The following CIMAP2 variants were observed in gnomAD, a reference collection of about 807,000 sequenced individuals.
The protein encoded by CIMAP2 is ciliary microtubule associated protein 2.
chr1:54,841,974 A>G, the CIMAP2 span: 1 of 1,226,800 alleles, frequency 8.2e-7, no homozygotes, highest in Non-Finnish European at 1.2e-6. Context: ...TGTCTTAGAG[A>G]AAGGACACAT....
the CIMAP2 span, chr1:54,842,132 T>G: frequency 4.1e-5 from 23 of 554,616 alleles, no homozygotes; most frequent in Non-Finnish European, 7.4e-5. Context: ...GCCAGTGACA[T>G]GAACATGGGG....
chr1:54,839,412 C>G, the CIMAP2 span, among the ~76,000 whole-genome samples: 113,447 of 151,726 alleles, frequency 0.75, 43,681 homozygotes, highest in Middle Eastern at 0.85. Flanking sequence ...TTATTTTGCT[C>G]TGTTGCTCAG....
At chr1:54,829,711 T>C in the CIMAP2 span, among the ~76,000 whole-genome samples, 1 of 152,152 alleles carries the variant, frequency 6.6e-6, no homozygotes, top group Non-Finnish European at 1.5e-5. Flanking sequence ...TAAGAGTTAT[T>C]TTTTGTCTTC....
chr1:54,830,414 G>T, the CIMAP2 span, among the ~76,000 whole-genome samples: 1 of 152,052 alleles, frequency 6.6e-6, no homozygotes, highest in Admixed American at 6.6e-5. The surrounding 1 kb of genome is among the most constrained non-coding windows in gnomAD (Gnocchi z 4.1). Flanking sequence ...TAGAGACAAG[G>T]TTTCTCCATG....
the CIMAP2 span, among the ~76,000 whole-genome samples, chr1:54,826,723 C>G: frequency 6.6e-6 from 1 of 152,254 alleles, no homozygotes; most frequent in Non-Finnish European, 1.5e-5. Flanking sequence ...ATCTCTTGCT[C>G]ACCCTTTCTC....
At chr1:54,811,843 C>G in the CIMAP2 span, 1 of 1,507,098 alleles carries the variant, frequency 6.6e-7, no homozygotes, top group African/African-American at 1.5e-5. Context: ...AACCCATACA[C>G]CAAGCTGGAG....
At chr1:54,815,379 C>A in the CIMAP2 span, among the ~76,000 whole-genome samples, 1 of 152,206 alleles carries the variant, frequency 6.6e-6, no homozygotes, top group Non-Finnish European at 1.5e-5. Context: ...AGGGACCACA[C>A]TTTGAGAACC....
At chr1:54,807,012 G>A in the CIMAP2 span, 2 of 1,613,960 alleles carry the variant, frequency 1.2e-6, no homozygotes, top group African/African-American at 1.3e-5. Flanking sequence ...CATCTCTGCT[G>A]TTTATCCCAA....
At chr1:54,812,956 A>G in the CIMAP2 span, among the ~76,000 whole-genome samples, 1 of 152,078 alleles carries the variant, frequency 6.6e-6, no homozygotes, top group African/African-American at 2.4e-5. Flanking sequence ...ACGTAGAAGG[A>G]CCTCAGGACC....
At chr1:54,811,765 G>GCCGGGGGGGGGGGGCGCCC in the CIMAP2 span, 1 of 1,301,332 alleles carries the variant, frequency 7.7e-7, no homozygotes, top group African/African-American at 1.5e-5. Flanking sequence ...GGTTCTGACA[G>GCCGGGGGGGGGGGGCGCCC]CCTCCATGCC....
At chr1:54,837,097 T>A in the CIMAP2 span, among the ~76,000 whole-genome samples, 1 of 152,094 alleles carries the variant, frequency 6.6e-6, no homozygotes, top group South Asian at 2.1e-4. Flanking sequence ...AATATTACAG[T>A]AGACCCTTAA....
chr1:54,811,765 G>GCGGGGGGGGGGCGGCCCCCCCCCC, the CIMAP2 span: 1 of 1,301,330 alleles, frequency 7.7e-7, no homozygotes, highest in Non-Finnish European at 1.1e-6. Flanking sequence ...GGTTCTGACA[G>GCGGGGGGGGGGCGGCCCCCCCCCC]CCTCCATGCC....
At chr1:54,832,375 C>T in the CIMAP2 span, among the ~76,000 whole-genome samples, 313 of 150,318 alleles carry the variant, frequency 2.1e-3, 2 homozygotes, top group South Asian at 0.028. Flanking sequence ...CAAGTTAACA[C>T]CCTACATAGG....
At chr1:54,828,660 T>A in the CIMAP2 span, among the ~76,000 whole-genome samples, 106 of 152,230 alleles carry the variant, frequency 7.0e-4, 1 homozygote, top group East Asian at 3.1e-3. Flanking sequence ...CTTTTTTTTT[T>A]ATTTATTTTA....
chr1:54,824,269 C>T, the CIMAP2 span, among the ~76,000 whole-genome samples: 1 of 152,284 alleles, frequency 6.6e-6, no homozygotes, highest in East Asian at 1.9e-4. Context: ...CTTGAGCAGT[C>T]CTCCTGCCTC....
the CIMAP2 span, among the ~76,000 whole-genome samples, chr1:54,828,766 T>C: frequency 1.3e-5 from 2 of 152,192 alleles, no homozygotes; most frequent in Admixed American, 1.3e-4. Context: ...ATTTAAGGCA[T>C]AAATGAAGAA....
At chr1:54,821,187 C>T in the CIMAP2 span, among the ~76,000 whole-genome samples, 1 of 144,120 alleles carries the variant, frequency 6.9e-6, no homozygotes, top group Non-Finnish European at 1.5e-5. Flanking sequence ...CACGTTGTCT[C>T]TTCACTCTAT....
chr1:54,829,973 C>T, the CIMAP2 span, among the ~76,000 whole-genome samples: 1 of 151,998 alleles, frequency 6.6e-6, no homozygotes, highest in Non-Finnish European at 1.5e-5. Context: ...CTCTGCATAC[C>T]TGTCCAGCTC....
At chr1:54,817,617 A>G in the CIMAP2 span, among the ~76,000 whole-genome samples, 1 of 152,234 alleles carries the variant, frequency 6.6e-6, no homozygotes, top group Admixed American at 6.5e-5. Flanking sequence ...CAGCTTGTAA[A>G]TGTTAGCTGC....
Sources: gnomAD v4.1 joint callset for allele counts (sites outside exome capture counted in the v4.1 genomes callset) on GRCh38, gnomAD v4.1.1 for gene constraint, Gnocchi (gnomAD v3.1) non-coding constraint, MANE v1.5 for transcripts, NCBI Gene and HGNC (gene_info 2026-07-23, HGNC 2026-07-21) for gene names.